The following CFAP58 variants were observed in gnomAD, a reference collection of about 807,000 sequenced individuals.
CFAP58 encodes the protein cilia and flagella associated protein 58, also known as cilia- and flagella-associated protein 58.
In CFAP58, 88 loss-of-function variants were observed where a neutral mutation model predicts 119.5. That is an observed-to-expected ratio of 0.74 (90% confidence interval 0.62 to 0.88). CFAP58 has a LOEUF of 0.88. Among genes scored for constraint, CFAP58 ranks in the 40% least tolerant of loss-of-function variants. CFAP58 has a pLI of 0.00. For missense variants in CFAP58, 990 were observed against 1,021.2 expected (o/e 0.97, Z 0.42); for synonymous variants, 365 against 366.3 (o/e 1.00, Z 0.04).
intron 15 of CFAP58, among the ~76,000 whole-genome samples, chr10:104,423,699 C>T (rs2012697544): frequency 6.6e-6 from 1 of 152,176 alleles, no homozygotes; most frequent in Non-Finnish European, 1.5e-5. Context: ...TTATATCTTA[C>T]TCCCCAAACA....
intron 14 of CFAP58, among the ~76,000 whole-genome samples, chr10:104,404,735 A>G (rs1589924196): frequency 6.6e-6 from 1 of 151,904 alleles, no homozygotes. Flanking sequence ...TCAGCCTCCC[A>G]AGTAGCTGGG....
chr10:104,383,669 A>G (rs959520067), intron 9 of CFAP58, among the ~76,000 whole-genome samples: 1 of 152,132 alleles, frequency 6.6e-6, no homozygotes, highest in Non-Finnish European at 1.5e-5. Context: ...ATCAGTTGCT[A>G]CGCAACTTGT....
intron 8 of CFAP58, among the ~76,000 whole-genome samples, chr10:104,379,381 G>A (rs1262898663): frequency 6.6e-6 from 1 of 152,144 alleles, no homozygotes; most frequent in Non-Finnish European, 1.5e-5. Flanking sequence ...TCCACTGTGT[G>A]GATATACTAT....
intron 3 of CFAP58, among the ~76,000 whole-genome samples, chr10:104,364,021 C>A (rs1035494083): frequency 1.3e-5 from 2 of 152,176 alleles, no homozygotes; most frequent in African/African-American, 4.8e-5. Flanking sequence ...CAATTCAAAT[C>A]AATGAATATT....
Position 104,357,845 on chromosome 10 carries a change from GTA to G in CFAP58, c.10-495_10-494del, listed in dbSNP as rs1564875528. ...TATATACACATATATGTACACATAT[GTA>G]CACATATATACACATATATACACAT... is the stretch of plus-strand genomic sequence containing the variant. On this transcript the variant is annotated intron_variant, in intron 1 of 17. Transcript: ENST00000369704. Among the ~76,000 whole-genome samples the G allele has an allele frequency of 2.2e-3, 200 of 91,544 alleles. 4 individuals are homozygous for G. The highest frequency in any genetic ancestry group is 9.3e-3 in the Admixed American group (95 of 10,212). The allele number at this position is 91,544 out of a possible 152,430, so 60.1% of individuals were successfully genotyped here.
intron 15 of CFAP58, among the ~76,000 whole-genome samples, chr10:104,437,472 A>G: frequency 6.6e-6 from 1 of 152,252 alleles, no homozygotes; most frequent in East Asian, 1.9e-4. Flanking sequence ...TTTCAGTAGA[A>G]TTGTTTAATA....
chr10:104,396,431 AGAGAGAG>A (rs2012161617), intron 11 of CFAP58, among the ~76,000 whole-genome samples: 1 of 131,536 alleles, frequency 7.6e-6, no homozygotes, highest in Non-Finnish European at 1.5e-5. Flanking sequence ...AGAGAGAGAG[AGAGAGAG>A]AAAGAGAGAG....
At chr10:104,421,382 A>G (rs1282071985) in intron 15 of CFAP58, among the ~76,000 whole-genome samples, 1 of 152,212 alleles carries the variant, frequency 6.6e-6, no homozygotes, top group African/African-American at 2.4e-5. Context: ...CTTGAGTCAC[A>G]TACTGCTGAT....
At position 104,380,196 on chromosome 10, in the gene CFAP58, C is replaced by T. The variant is rs751233662; in HGVS notation, c.1341C>T (p.Asn447=). ...HLEKERDRYI[N]QASDLTQKVL... is the part of the protein sequence containing the mutation. ...AAAAGGAGCGTGACCGGTACATCAACCAAGCCAGTGACCTTACGCAAAAGG... is the reference window on the plus strand; with the variant it reads ...AAAAGGAGCGTGACCGGTACATCAATCAAGCCAGTGACCTTACGCAAAAGG... Residue 447 remains asparagine, a synonymous_variant, in exon 9 of 18, where the codon AAC becomes AAT. Coordinates refer to ENST00000369704, the MANE Select transcript of CFAP58 (RefSeq NM_001008723.2). 1.2e-6 allele frequency: 2 copies of T among 1,613,950 alleles called. No homozygotes were observed. Among genetic ancestry groups the T allele is most frequent in the Admixed American group, 3.3e-5 (2 of 59,994 alleles).
At chr10:104,375,831 G>T (rs2011649421) in intron 7 of CFAP58, among the ~76,000 whole-genome samples, 2 of 152,180 alleles carry the variant, frequency 1.3e-5, no homozygotes, top group Admixed American at 1.3e-4. Context: ...AACATTTTCT[G>T]ATTGACAATT....
At position 104,376,985 on chromosome 10, in the gene CFAP58, C is replaced by T. The variant is rs767238153; in HGVS notation, c.1173+92C>T. 8.5e-5 allele frequency: 80 copies of T among 937,534 alleles called. 1 individual carries two copies. The highest frequency in any genetic ancestry group is 1.2e-4 in the Non-Finnish European group (70 of 606,358). 58.1% of individuals were successfully genotyped at this position (937,534 alleles called of 1,614,324 possible). ...CCAGTTGGATGGGAAAAGAAAACTC[C>T]GAGGCAAACAAAAGTGGATTAGAAT... On this transcript the variant is annotated intron_variant, in intron 8 of 17. Coordinates refer to ENST00000369704, the MANE Select transcript of CFAP58 (RefSeq NM_001008723.2).
Position 104,385,438 on chromosome 10 carries a change from A to G in CFAP58, c.1365+5218A>G, listed in dbSNP as rs114708647. ...GTTGGACAAAATAAGAATCAATTGT[A>G]TAAAAACTAAAAAAGAAAAAAGAAA... On this transcript the variant is annotated intron_variant, in intron 9 of 17. Coordinates refer to ENST00000369704, the MANE Select transcript of CFAP58 (RefSeq NM_001008723.2). Among the ~76,000 whole-genome samples, 490 of 152,298 alleles carry G rather than the reference A, an allele frequency of 3.2e-3. 1 individual carries two copies. The highest frequency in any genetic ancestry group is 0.011 in the African/African-American group (471 of 41,554).
chr10:104,434,997 T>TA (rs1404388930), intron 15 of CFAP58, among the ~76,000 whole-genome samples: 1 of 152,204 alleles, frequency 6.6e-6, no homozygotes, highest in African/African-American at 2.4e-5. Flanking sequence ...AAGGATCAGA[T>TA]ATAATTTATG....
chr10:104,373,514 T>G (rs1564883143), intron 7 of CFAP58, among the ~76,000 whole-genome samples: 1 of 152,020 alleles, frequency 6.6e-6, no homozygotes, highest in Non-Finnish European at 1.5e-5. Flanking sequence ...CCTGCGCACC[T>G]GTAGTGGCAC....
intron 15 of CFAP58, among the ~76,000 whole-genome samples, chr10:104,414,627 T>C (rs931097565): frequency 1.3e-5 from 2 of 152,176 alleles, no homozygotes; most frequent in Non-Finnish European, 2.9e-5. Context: ...TTTCTTAAGA[T>C]GCCTTTTGTC....
At chr10:104,450,022 GA>G in intron 16 of CFAP58, 48 bp from the exon 17 acceptor site, 1 of 1,554,332 alleles carries the variant, frequency 6.4e-7, no homozygotes, top group South Asian at 1.2e-5. Context: ...AGATTTCTCA[GA>G]AAAGGATATT....
chr10:104,370,855 T>C (rs753602251), intron 6 of CFAP58, 40 bp from the exon 7 acceptor site: 2 of 1,574,596 alleles, frequency 1.3e-6, no homozygotes, highest in Non-Finnish European at 8.6e-7. Flanking sequence ...TGGCTCTTCA[T>C]TTACAAAGTG....
At position 104,438,918 on chromosome 10, in the gene CFAP58, A is replaced by G. The variant is rs140586901; in HGVS notation, c.2257-8780A>G. 4.9e-3 allele frequency among the ~76,000 whole-genome samples: 750 copies of G among 152,326 alleles called. 6 individuals are homozygous for G. The highest frequency in any genetic ancestry group is 0.037 in the Middle Eastern group (11 of 294). ...GGAATTCTTACCCAGTGGAATATCA[A>G]ATCAACTACATGAACAGAAACACAC... is the stretch of plus-strand genomic sequence containing the variant. On this transcript the variant is annotated intron_variant, in intron 15 of 17. Transcript: ENST00000369704.
At chr10:104,391,893 A>G (rs2012051247) in intron 9 of CFAP58, among the ~76,000 whole-genome samples, 3 of 152,166 alleles carry the variant, frequency 2.0e-5, no homozygotes. Flanking sequence ...GATCTGTTTA[A>G]GCCTGTGACT....
Sources: gnomAD v4.1 joint callset for allele counts (sites outside exome capture counted in the v4.1 genomes callset) on GRCh38, gnomAD v4.1.1 for gene constraint, MANE v1.5 for transcripts, NCBI Gene and HGNC (gene_info 2026-07-23, HGNC 2026-07-21) for gene names.